LIMCH1: variants seen among roughly 807,000 people sequenced by gnomAD.
LIMCH1 encodes the protein LIM and calponin homology domains-containing protein 1.
A neutral mutation model predicts 176.5 loss-of-function variants in LIMCH1; 113 were observed. The ratio of observed to expected loss-of-function variants is 0.64; its 90% CI spans 0.55 to 0.75. LIMCH1 has a LOEUF of 0.75. LIMCH1 is among the 30% of genes least tolerant of loss of function. LIMCH1 has a pLI of 0.00. For missense variants in LIMCH1, 1,674 were observed against 1,814.9 expected (o/e 0.92, Z 1.41); for synonymous variants, 619 against 645.9 (o/e 0.96, Z 0.63).
intron 1 of LIMCH1, among the ~76,000 whole-genome samples, chr4:41,471,700 G>T (rs2066983661): frequency 6.6e-6 from 1 of 152,170 alleles, no homozygotes. Flanking sequence ...ATTCCTGACT[G>T]CTGTGTTCCT....
intron 2 of LIMCH1, among the ~76,000 whole-genome samples, chr4:41,518,064 T>C (rs2075761425): frequency 6.6e-6 from 1 of 152,204 alleles, no homozygotes; most frequent in South Asian, 2.1e-4. Context: ...TGTTTAAGAT[T>C]TAGATAGCTC....
chr4:41,496,252 T>G (rs894247846), intron 2 of LIMCH1, among the ~76,000 whole-genome samples: 1 of 152,226 alleles, frequency 6.6e-6, no homozygotes, highest in South Asian at 2.1e-4. Flanking sequence ...TATATTCTCA[T>G]GCCCAGGTAG....
intron 1 of LIMCH1, among the ~76,000 whole-genome samples, chr4:41,555,196 C>T (rs942670370): frequency 6.6e-6 from 1 of 152,200 alleles, no homozygotes; most frequent in African/African-American, 2.4e-5. Context: ...ACTTGATTGA[C>T]ATCACACTCA....
At chr4:41,571,522 T>C (rs937526930) in intron 1 of LIMCH1, among the ~76,000 whole-genome samples, 2 of 151,730 alleles carry the variant, frequency 1.3e-5, no homozygotes, top group Non-Finnish European at 2.9e-5. Context: ...GGAGGTTGGA[T>C]TTGTTGTTGA....
At chr4:41,575,210 T>A (rs552616544) in intron 1 of LIMCH1, among the ~76,000 whole-genome samples, 2 of 152,370 alleles carry the variant, frequency 1.3e-5, no homozygotes, top group African/African-American at 4.8e-5. Context: ...AGCATTTTTT[T>A]AAAAGCATCG....
At chr4:41,550,304 A>C (rs1237424104) in intron 1 of LIMCH1, among the ~76,000 whole-genome samples, 1 of 151,410 alleles carries the variant, frequency 6.6e-6, no homozygotes, top group African/African-American at 2.4e-5. Context: ...GTGGCAGGTG[A>C]TCAATTAATA....
chr4:41,589,289 C>T (rs568746257), intron 1 of LIMCH1, among the ~76,000 whole-genome samples: 28 of 152,140 alleles, frequency 1.8e-4, no homozygotes, highest in South Asian at 1.5e-3. Flanking sequence ...TAAAAGAGAG[C>T]GAGAGAGCTG....
At chr4:41,526,045 T>G (rs1376483874) in intron 3 of LIMCH1, among the ~76,000 whole-genome samples, 1 of 152,156 alleles carries the variant, frequency 6.6e-6, no homozygotes, top group Non-Finnish European at 1.5e-5. Flanking sequence ...TTAGTAAAAT[T>G]AACTGTTAGG....
At chr4:41,656,579 G>A (rs182556572) in intron 18 of LIMCH1, among the ~76,000 whole-genome samples, 7 of 152,250 alleles carry the variant, frequency 4.6e-5, no homozygotes, top group Admixed American at 1.3e-4. Flanking sequence ...TGGAGAGCCT[G>A]ATTCTCCATA....
intron 1 of LIMCH1, among the ~76,000 whole-genome samples, chr4:41,414,592 C>G (rs1321234332): frequency 6.6e-6 from 1 of 152,138 alleles, no homozygotes; most frequent in Non-Finnish European, 1.5e-5. Flanking sequence ...GTAAATTATG[C>G]TGGACCTGGA....
At chr4:41,652,796 A>C (rs2094347397) in intron 18 of LIMCH1, among the ~76,000 whole-genome samples, 1 of 152,196 alleles carries the variant, frequency 6.6e-6, no homozygotes, top group Non-Finnish European at 1.5e-5. Context: ...GCTATTTCAA[A>C]AGTTTATACA....
intron 1 of LIMCH1, among the ~76,000 whole-genome samples, chr4:41,361,729 C>A (rs375717819): frequency 6.6e-6 from 1 of 152,334 alleles, no homozygotes; most frequent in East Asian, 1.9e-4. Flanking sequence ...GATCCTGATT[C>A]ACGATGTCTA....
chr4:41,360,980 A>G lies in LIMCH1; in HGVS notation c.96+44A>G. 1 of 1,435,576 alleles carries G rather than the reference A, an allele frequency of 7.0e-7. No homozygotes were observed. Among genetic ancestry groups the G allele is most frequent in the Non-Finnish European group, 9.5e-7 (1 of 1,057,746 alleles). The allele number at this position is 1,435,576 out of a possible 1,614,324, so 88.9% of individuals were successfully genotyped here. On this transcript the variant is annotated intron_variant, in intron 1 of 26. Coordinates refer to the LIMCH1 transcript ENST00000313860. This position sits in a 1 kb window ranked among gnomAD's most constrained non-coding sequence, Gnocchi z 4.5. ...CGGGCGGCCTTGCACTGGCGCCCTG[A>G]GCCACGGACCCGCGCACGCTCCGAC... is the stretch of plus-strand genomic sequence containing the variant.
At chr4:41,384,633 A>G (rs2056236119) in intron 1 of LIMCH1, among the ~76,000 whole-genome samples, 1 of 152,230 alleles carries the variant, frequency 6.6e-6, no homozygotes, top group Admixed American at 6.5e-5. Flanking sequence ...CTGGTTGGGC[A>G]CATGGCAGTG....
At chr4:41,415,267 G>A (rs926941638) in intron 1 of LIMCH1, among the ~76,000 whole-genome samples, 4 of 152,092 alleles carry the variant, frequency 2.6e-5, no homozygotes, top group Admixed American at 6.5e-5. Flanking sequence ...TTGTCCTTTC[G>A]CTCCTGAAAG....
chr4:41,489,186 G>A (rs1269486967), intron 1 of LIMCH1, among the ~76,000 whole-genome samples: 1 of 151,926 alleles, frequency 6.6e-6, no homozygotes, highest in Non-Finnish European at 1.5e-5. Flanking sequence ...AAAACAAAAG[G>A]GTTACTAATT....
chr4:41,425,466 C>T (rs2060993956), intron 1 of LIMCH1, among the ~76,000 whole-genome samples: 1 of 152,222 alleles, frequency 6.6e-6, no homozygotes, highest in Non-Finnish European at 1.5e-5. Flanking sequence ...CCCACCTCAG[C>T]CTCCCAGGTA....
intron 1 of LIMCH1, among the ~76,000 whole-genome samples, chr4:41,425,317 G>C (rs1452694045): frequency 6.6e-6 from 1 of 152,026 alleles, no homozygotes; most frequent in African/African-American, 2.4e-5. Context: ...TCTTGGTCTT[G>C]GTTTCCACCC....
chr4:41,362,524 G>A (rs2052291665), intron 1 of LIMCH1, among the ~76,000 whole-genome samples: 2 of 152,142 alleles, frequency 1.3e-5, no homozygotes, highest in Non-Finnish European at 2.9e-5. Context: ...GTGTGGGTGG[G>A]GGTAAGGGGA....
Sources: allele counts gnomAD v4.1 joint callset (sites outside exome capture counted in the v4.1 genomes callset), GRCh38; gene constraint gnomAD v4.1.1; non-coding constraint Gnocchi (gnomAD v3.1); transcripts MANE v1.5; gene names NCBI Gene and HGNC (gene_info 2026-07-23, HGNC 2026-07-21).